SLC10A7: variants seen among roughly 807,000 people sequenced by gnomAD.
SLC10A7 encodes the protein solute carrier family 10 member 7.
SLC10A7 carries 29 observed loss-of-function variants against 43.2 expected under a neutral mutation model. The ratio of observed to expected loss-of-function variants is 0.67; its 90% CI spans 0.50 to 0.92. SLC10A7 has a LOEUF of 0.92. Among genes scored for constraint, SLC10A7 ranks in the 40% least tolerant of loss-of-function variants. The pLI, the probability that SLC10A7 is intolerant of heterozygous loss-of-function variation, is 0.00. For synonymous variants in SLC10A7, 152 were observed against 144.8 expected (o/e 1.05, Z -0.35); for missense variants, 295 against 403.2 (o/e 0.73, Z 2.30).
chr4:146,402,036 A>G (rs1314230367), intron 5 of SLC10A7, among the ~76,000 whole-genome samples: 1 of 152,150 alleles, frequency 6.6e-6, no homozygotes, highest in African/African-American at 2.4e-5. Flanking sequence ...CTTCATACCT[A>G]ATTGAGAGTG....
intron 2 of SLC10A7, among the ~76,000 whole-genome samples, chr4:146,511,716 C>T (rs1239621590): frequency 6.6e-6 from 1 of 152,134 alleles, no homozygotes; most frequent in Non-Finnish European, 1.5e-5. Flanking sequence ...TACCAGAAGT[C>T]ATATTAGGTC....
intron 5 of SLC10A7, among the ~76,000 whole-genome samples, chr4:146,377,025 G>T (rs1194574572): frequency 1.3e-5 from 2 of 152,160 alleles, no homozygotes; most frequent in Non-Finnish European, 2.9e-5. Flanking sequence ...ATGCTTGCTT[G>T]GACCAGTATA....
At chr4:146,295,599 T>C (rs1237234424) in intron 7 of SLC10A7, among the ~76,000 whole-genome samples, 1 of 152,090 alleles carries the variant, frequency 6.6e-6, no homozygotes, top group Non-Finnish European at 1.5e-5. Flanking sequence ...AACAGTGCTA[T>C]AGGTATCATG....
Position 146,371,020 on chromosome 4 carries a change from T to G in SLC10A7, c.436-45024A>C, listed in dbSNP as rs138270359. Among the ~76,000 whole-genome samples the G allele has an allele frequency of 4.3e-4, 66 of 152,318 alleles. 1 individual carries two copies. In the East Asian group the frequency reaches 0.01, roughly 24 times the overall value. ...ATGGAAGAACCTCAGAATTGAGTCATCAAACACTTTTCAGAGCACGTATTA... is the reference window on the plus strand; with the variant it reads ...ATGGAAGAACCTCAGAATTGAGTCAGCAAACACTTTTCAGAGCACGTATTA... On this transcript the variant is annotated intron_variant, in intron 5 of 11. Coordinates refer to ENST00000335472, the MANE Select transcript of SLC10A7 (RefSeq NM_001029998.6).
At chr4:146,440,038 T>G (rs756765279) in intron 5 of SLC10A7, among the ~76,000 whole-genome samples, 1 of 152,190 alleles carries the variant, frequency 6.6e-6, no homozygotes, top group African/African-American at 2.4e-5. Flanking sequence ...TTCAAACCTT[T>G]AATAATTGTT....
At chr4:146,378,105 C>T (rs970252983) in intron 5 of SLC10A7, among the ~76,000 whole-genome samples, 1 of 152,136 alleles carries the variant, frequency 6.6e-6, no homozygotes, top group African/African-American at 2.4e-5. Context: ...GTGGAAAAGA[C>T]TGGTTTTGGA....
At chr4:146,414,319 A>G (rs1304949943) in intron 5 of SLC10A7, among the ~76,000 whole-genome samples, 1 of 152,216 alleles carries the variant, frequency 6.6e-6, no homozygotes, top group Non-Finnish European at 1.5e-5. Flanking sequence ...GACACCAAGT[A>G]GGCACTTGAA....
intron 4 of SLC10A7, among the ~76,000 whole-genome samples, chr4:146,453,052 A>ATAT (rs1731733442): frequency 6.9e-6 from 1 of 145,300 alleles, no homozygotes; most frequent in Admixed American, 6.8e-5. Context: ...TATATATATA[A>ATAT]ATATACAATC....
At chr4:146,443,561 T>C (rs1315024384) in intron 4 of SLC10A7, among the ~76,000 whole-genome samples, 5 of 152,006 alleles carry the variant, frequency 3.3e-5, no homozygotes, top group Non-Finnish European at 5.9e-5. Context: ...TTGTATAACA[T>C]CCAATTTGAT....
At chr4:146,355,784 C>G (rs1735549837) in intron 5 of SLC10A7, among the ~76,000 whole-genome samples, 1 of 145,316 alleles carries the variant, frequency 6.9e-6, no homozygotes, top group Non-Finnish European at 1.5e-5. Context: ...TAAACTATCG[C>G]AAGAACAAAA....
intron 1 of SLC10A7, among the ~76,000 whole-genome samples, chr4:146,518,085 A>C (rs1490823725): frequency 6.6e-6 from 1 of 152,204 alleles, no homozygotes; most frequent in Non-Finnish European, 1.5e-5. Context: ...CAGCATTCAA[A>C]TGTGTTAACA....
chr4:146,392,580 GC>G (rs1430887293), intron 5 of SLC10A7, among the ~76,000 whole-genome samples: 3 of 152,060 alleles, frequency 2.0e-5, no homozygotes, highest in Admixed American at 2.0e-4. Context: ...AATTGGCAAT[GC>G]CAATTATGTC....
chr4:146,344,295 C>G (rs1479075023), intron 5 of SLC10A7, among the ~76,000 whole-genome samples: 5 of 152,032 alleles, frequency 3.3e-5, no homozygotes, highest in Admixed American at 3.3e-4. Flanking sequence ...TCAATGTTGT[C>G]TAAACACTCA....
rs75182098 is a variant in SLC10A7, at chr4:146,331,767, G to T, written c.436-5771C>A. Among the ~76,000 whole-genome samples, 174 of 152,176 alleles carry T rather than the reference G, an allele frequency of 1.1e-3. 1 individual carries two copies. In the East Asian group the frequency reaches 0.019, roughly 17 times the overall value. On this transcript the variant is annotated intron_variant, in intron 5 of 11. Coordinates refer to ENST00000335472, the MANE Select transcript of SLC10A7 (RefSeq NM_001029998.6). ...AACCTCCAGGCTATCTTCATCTTTT[G>T]TCCTGTGGTCAGTATATAGTGATAT...
rs2291379 is a variant in SLC10A7 at position 146,255,419 on chromosome 4, C to A, written c.*1072G>T. 0.064 allele frequency: 9,749 copies of A among 152,668 alleles called. 437 individuals carry two copies. The highest frequency in any genetic ancestry group is 0.21 in the South Asian group (1,004 of 4,832). The allele number at this position is 152,668 out of a possible 1,614,324, so 9.5% of individuals were successfully genotyped here. A position where few individuals can be genotyped will look rare whatever the true frequency, so the allele number is the denominator to read the frequency against. On this transcript the variant is annotated 3_prime_UTR_variant, in exon 12 of 12. Coordinates refer to ENST00000335472, the MANE Select transcript of SLC10A7 (RefSeq NM_001029998.6). ...TTTGCATCCATGACCTTTATATTTT[C>A]ATTTATTCATGAAAGCAATATGATT...
chr4:146,507,403 T>C (rs943903812), intron 3 of SLC10A7, among the ~76,000 whole-genome samples: 2 of 151,840 alleles, frequency 1.3e-5, no homozygotes, highest in Admixed American at 6.6e-5. Context: ...CTACTAAAAA[T>C]ACAAAAATTA....
chr4:146,279,991 C>T (rs79461659), intron 10 of SLC10A7, among the ~76,000 whole-genome samples: 86 of 152,070 alleles, frequency 5.7e-4, no homozygotes, highest in African/African-American at 1.1e-3. Context: ...TAAAATAAAT[C>T]GAAGGTGTAT....
At chr4:146,258,641 A>G (rs1728024443) in intron 11 of SLC10A7, 51 bp downstream of exon 11, 2 of 1,537,360 alleles carry the variant, frequency 1.3e-6, no homozygotes, top group African/African-American at 2.8e-5. Flanking sequence ...AGATTCAGGA[A>G]CAGCATTTTA....
intron 5 of SLC10A7, among the ~76,000 whole-genome samples, chr4:146,417,927 G>A (rs548687485): frequency 3.3e-5 from 5 of 152,124 alleles, no homozygotes; most frequent in Admixed American, 6.5e-5. Context: ...TTTGCAGCCA[G>A]CATGCTTATA....
Sources: gnomAD v4.1 joint callset for allele counts (sites outside exome capture counted in the v4.1 genomes callset) on GRCh38, gnomAD v4.1.1 for gene constraint, MANE v1.5 for transcripts, NCBI Gene and HGNC (gene_info 2026-07-23, HGNC 2026-07-21) for gene names.